Variants in NEDD4L observed in about 807,000 individuals in gnomAD.
The protein encoded by NEDD4L is NEDD4 like E3 ubiquitin protein ligase.
A neutral mutation model predicts 148.9 loss-of-function variants in NEDD4L; 54 were observed. The observed-to-expected ratio is 0.36, with a 90% CI of 0.29 to 0.45. The LOEUF is 0.45. NEDD4L is among the 20% of genes least tolerant of loss of function. NEDD4L has a pLI of 1.00. For synonymous variants in NEDD4L, 433 were observed against 440.7 expected (o/e 0.98, Z 0.22); for missense variants, 856 against 1,233.8 (o/e 0.69, Z 4.59).
rs3852853 is a variant in NEDD4L, at chr18:58,343,361, G to A, written c.1575+258G>A. ...GAAGCTCTAGTTTAGACAGTTCACC[G>A]TGCTGGATGGAAAGGTATTGCTCTG... On this transcript the variant is annotated intron_variant, in intron 16 of 30. Coordinates refer to ENST00000400345, the MANE Select transcript of NEDD4L (RefSeq NM_001144967.3). Among the ~76,000 whole-genome samples, 118,783 of 152,034 alleles carry A rather than the reference G, an allele frequency of 0.78. 46,850 individuals carry two copies. The highest frequency in any genetic ancestry group is 0.96 in the East Asian group (4,972 of 5,174).
At chr18:58,196,713 T>C (rs901503691) in intron 2 of NEDD4L, among the ~76,000 whole-genome samples, 156 of 124,350 alleles carry the variant, frequency 1.3e-3, no homozygotes, top group African/African-American at 5.2e-3. Context: ...TCTCTCTCTT[T>C]TTTTTTTTTT....
At chr18:58,184,907 G>A (rs1389542111) in intron 2 of NEDD4L, among the ~76,000 whole-genome samples, 7 of 151,408 alleles carry the variant, frequency 4.6e-5, no homozygotes, top group East Asian at 1.9e-4. Context: ...CAGCCTGGGC[G>A]ACAGAGCGAG....
rs2050694042 is a variant in NEDD4L at position 58,399,253 on chromosome 18, TTGTC to T, written c.*2988_*2991del. 1 of 152,180 alleles carries T rather than the reference TTGTC, an allele frequency of 6.6e-6. No individual in the cohort carries two copies. Among genetic ancestry groups the T allele is most frequent in the South Asian group, 2.1e-4 (1 of 4,828 alleles). 9.4% of individuals were successfully genotyped at this position (152,180 alleles called of 1,614,324 possible). On this transcript the variant is annotated 3_prime_UTR_variant, in exon 31 of 31. Coordinates refer to ENST00000400345, the MANE Select transcript of NEDD4L (RefSeq NM_001144967.3). ...GGAGCCGGCAGCAGTGAGGCATTCA[TTGTC>T]TGTGTTGCGGTGTATTCCCAGCTTC...
intron 1 of NEDD4L, among the ~76,000 whole-genome samples, chr18:58,070,255 T>TTTTATTTA (rs559040396): frequency 9.2e-5 from 14 of 151,832 alleles, no homozygotes; most frequent in African/African-American, 2.9e-4. Flanking sequence ...TTTATTTTTA[T>TTTTATTTA]TTTATTTATT....
At chr18:58,248,165 T>C (rs562173920) in intron 3 of NEDD4L, among the ~76,000 whole-genome samples, 8 of 152,236 alleles carry the variant, frequency 5.3e-5, no homozygotes, top group Non-Finnish European at 1.2e-4. Context: ...TGAACACACA[T>C]GTACAGTCTT....
At chr18:58,108,817 G>A (rs2085238059) in intron 1 of NEDD4L, among the ~76,000 whole-genome samples, 1 of 152,180 alleles carries the variant, frequency 6.6e-6, no homozygotes, top group Non-Finnish European at 1.5e-5. Flanking sequence ...TCACTTAATA[G>A]CTTTGTCAGA....
intron 1 of NEDD4L, among the ~76,000 whole-genome samples, chr18:58,066,315 G>A (rs1196129764): frequency 1.3e-5 from 2 of 150,918 alleles, no homozygotes; most frequent in African/African-American, 4.9e-5. Flanking sequence ...GAGTGATCTC[G>A]TTGAATGCTG....
At chr18:58,217,386 T>G (rs2043260358) in intron 2 of NEDD4L, among the ~76,000 whole-genome samples, 1 of 152,250 alleles carries the variant, frequency 6.6e-6, no homozygotes, top group Admixed American at 6.5e-5. Context: ...TTGGGTCTCC[T>G]CTACCCTCAG....
intron 2 of NEDD4L, among the ~76,000 whole-genome samples, chr18:58,168,752 G>A (rs2037181638): frequency 6.6e-6 from 1 of 152,210 alleles, no homozygotes. Context: ...GGTGAAAGAG[G>A]AAGAACATTT....
intron 2 of NEDD4L, among the ~76,000 whole-genome samples, chr18:58,180,939 C>G (rs1343094847): frequency 6.6e-6 from 1 of 152,198 alleles, no homozygotes; most frequent in East Asian, 1.9e-4. Context: ...ACAGCACCCT[C>G]TGGTGGCCAT....
intron 7 of NEDD4L, among the ~76,000 whole-genome samples, 183 bp downstream of exon 7, chr18:58,322,669 G>C (rs1294079): frequency 1.4e-5 from 2 of 141,336 alleles, no homozygotes; most frequent in African/African-American, 2.7e-5. Context: ...TGCGTGCTGT[G>C]GGTATAGGTG....
At chr18:58,240,250 G>A (rs867238921) in intron 2 of NEDD4L, among the ~76,000 whole-genome samples, 18 of 152,084 alleles carry the variant, frequency 1.2e-4, no homozygotes, top group Non-Finnish European at 2.2e-4. Context: ...AACCTCCCAA[G>A]TGGTTTTTCT....
chr18:58,192,789 AT>A (rs2040253639), intron 2 of NEDD4L, among the ~76,000 whole-genome samples: 1 of 152,190 alleles, frequency 6.6e-6, no homozygotes, highest in Non-Finnish European at 1.5e-5. Context: ...GCCTCCAGGA[AT>A]TTATCATCAC....
chr18:58,141,302 T>C (rs960178647), intron 1 of NEDD4L, among the ~76,000 whole-genome samples: 1 of 152,182 alleles, frequency 6.6e-6, no homozygotes, highest in Non-Finnish European at 1.5e-5. Context: ...GTTATTCAGA[T>C]TAGAGAAAAT....
intron 2 of NEDD4L, among the ~76,000 whole-genome samples, chr18:58,200,723 G>T (rs553960604): frequency 6.6e-6 from 1 of 152,336 alleles, no homozygotes; most frequent in Admixed American, 6.5e-5. Flanking sequence ...TGGACTTACA[G>T]ATGAAAGAAC....
chr18:58,350,178 T>C (rs1190464691), intron 17 of NEDD4L, among the ~76,000 whole-genome samples: 2 of 152,124 alleles, frequency 1.3e-5, no homozygotes, highest in Non-Finnish European at 2.9e-5. Flanking sequence ...GAAAAAGCCG[T>C]AGGGGGTGAC....
At position 58,068,703 on chromosome 18, in the gene NEDD4L, A is replaced by G. The variant is rs143237137; in HGVS notation, c.48+23995A>G. Among the ~76,000 whole-genome samples the G allele has an allele frequency of 4.1e-3, 620 of 152,304 alleles. 5 individuals carry two copies. The highest frequency in any genetic ancestry group is 4.3e-3 in the Non-Finnish European group (295 of 68,022). On this transcript the variant is annotated intron_variant, in intron 1 of 30. Coordinates refer to ENST00000400345, the MANE Select transcript of NEDD4L (RefSeq NM_001144967.3). ...GGGTTGGTTATTTTCCGTTGATTCA[A>G]AATTGCTCTGCAGGAGACATAGGAG...
At chr18:58,074,543 G>A (rs1217770269) in intron 1 of NEDD4L, among the ~76,000 whole-genome samples, 1 of 150,860 alleles carries the variant, frequency 6.6e-6, no homozygotes, top group African/African-American at 2.4e-5. Flanking sequence ...AAAGTGCTGG[G>A]ATTACAGGCG....
At chr18:58,367,282 G>C (rs949137570) in intron 21 of NEDD4L, 4 of 155,986 alleles carry the variant, frequency 2.6e-5, no homozygotes, top group African/African-American at 9.6e-5. Context: ...GGCCTTTTCA[G>C]AGCAGAGTAG....
Sources: gnomAD v4.1 joint callset for allele counts (sites outside exome capture counted in the v4.1 genomes callset) on GRCh38, gnomAD v4.1.1 for gene constraint, MANE v1.5 for transcripts, NCBI Gene and HGNC (gene_info 2026-07-23, HGNC 2026-07-21) for gene names.